TYW1B: variants seen among roughly 807,000 people sequenced by gnomAD.
TYW1B encodes the protein tRNA-yW synthesizing protein 1 homolog B, also known as S-adenosyl-L-methionine-dependent tRNA 4-demethylwyosine synthase TYW1B.
In TYW1B, 73 loss-of-function variants were observed where a neutral mutation model predicts 86.9. The ratio of observed to expected loss-of-function variants is 0.84; its 90% CI spans 0.70 to 1.02. The LOEUF (loss-of-function observed/expected upper bound fraction) is 1.02. Ranked by LOEUF, TYW1B falls within the 50% of genes least tolerant of loss-of-function variation. The pLI, the probability that TYW1B is intolerant of heterozygous loss-of-function variation, is 0.00. For synonymous variants in TYW1B, 248 were observed against 292.8 expected, an observed-to-expected ratio of 0.85 and a Z score of 1.56; for missense variants, 637 against 827.4, an observed-to-expected ratio of 0.77 and a Z score of 2.82.
chr7:72,755,747 A>G (rs1787575887), intron 7 of TYW1B, among the ~76,000 whole-genome samples: 1 of 152,206 alleles, frequency 6.6e-6, no homozygotes, highest in African/African-American at 2.4e-5. Context: ...AAAAACAGGA[A>G]GAAGAGTTTC....
At chr7:72,615,745 C>T (rs1554436782) in intron 13 of TYW1B, among the ~76,000 whole-genome samples, 1 of 151,936 alleles carries the variant, frequency 6.6e-6, no homozygotes, top group East Asian at 1.9e-4. Context: ...TACAAAATAG[C>T]ATTTTTGAAA....
intron 2 of TYW1B, among the ~76,000 whole-genome samples, chr7:72,818,648 G>A (rs1291075953): frequency 1.2e-4 from 18 of 150,164 alleles, no homozygotes; most frequent in African/African-American, 3.7e-4. Context: ...AAAAAAAGAC[G>A]TTTAATTGGC....
Position 72,828,076 on chromosome 7 carries a change from C to A in TYW1B, c.-1G>T. On this transcript the variant is annotated 5_prime_UTR_variant, in exon 1 of 14. Coordinates refer to ENST00000620995, the MANE Select transcript of TYW1B (RefSeq NM_001145440.3). ...TTGCCCGCCGAGTGCCCTTACCCAT[C>A]CTCCTCAGAGCCGACAGGAGACTAG... The A allele has an allele frequency of 6.2e-7, 1 of 1,614,000 alleles. No individual in the cohort carries two copies. Among genetic ancestry groups the A allele is most frequent in the Non-Finnish European group, 8.5e-7 (1 of 1,179,946 alleles).
intron 10 of TYW1B, among the ~76,000 whole-genome samples, chr7:72,695,275 A>G (rs1814288908): frequency 6.6e-6 from 1 of 152,090 alleles, no homozygotes; most frequent in East Asian, 1.9e-4. Flanking sequence ...AAACAATCCC[A>G]AAAGCTCAGG....
At chr7:72,599,083 CAAGA>C (rs1290016772) in intron 13 of TYW1B, among the ~76,000 whole-genome samples, 1 of 152,072 alleles carries the variant, frequency 6.6e-6, no homozygotes, top group African/African-American at 2.4e-5. Context: ...AAAGATACTA[CAAGA>C]AAGGAAAACC....
In TYW1B at chr7:72,725,232, T is replaced by C. The variant is rs1241256346; in HGVS notation, c.1192+3590A>G. Among the ~76,000 whole-genome samples, 14 of 152,194 alleles carry C rather than the reference T, an allele frequency of 9.2e-5. 1 individual carries two copies. The Middle Eastern group carries it at 0.01, about 111-fold the overall frequency. On this transcript the variant is annotated intron_variant, in intron 9 of 13. Coordinates refer to ENST00000620995, the MANE Select transcript of TYW1B (RefSeq NM_001145440.3). ...TGCAAAAACGCTCCTGTCAGAAAAA[T>C]TACTATCCAAACTCAGATCGTCATT... is the stretch of plus-strand genomic sequence containing the variant.
intron 4 of TYW1B, 94 bp from the exon 5 acceptor site, chr7:72,807,450 CT>C: frequency 6.7e-7 from 1 of 1,491,506 alleles, no homozygotes; most frequent in Non-Finnish European, 9.0e-7. Flanking sequence ...TCTGGGGCCC[CT>C]GGTCATGGGC....
At chr7:72,633,572 G>GACT (rs1426234056) in intron 11 of TYW1B, among the ~76,000 whole-genome samples, 1 of 152,166 alleles carries the variant, frequency 6.6e-6, no homozygotes, top group Non-Finnish European at 1.5e-5. Context: ...TCCTCCCAGT[G>GACT]AATATCCACT....
At chr7:72,802,289 T>C in intron 6 of TYW1B, 111 bp downstream of exon 6, 1 of 1,510,202 alleles carries the variant, frequency 6.6e-7, no homozygotes, top group South Asian at 1.4e-5. Flanking sequence ...AGACAGAAGC[T>C]AGAGAAATGA....
chr7:72,619,254 T>C (rs1812155961), intron 12 of TYW1B, among the ~76,000 whole-genome samples: 1 of 152,152 alleles, frequency 6.6e-6, no homozygotes, highest in Admixed American at 6.6e-5. Flanking sequence ...CTATGTCAAT[T>C]AGTATTGGCT....
At chr7:72,708,790 C>G (rs1814673621) in intron 10 of TYW1B, among the ~76,000 whole-genome samples, 1 of 152,098 alleles carries the variant, frequency 6.6e-6, no homozygotes, top group Non-Finnish European at 1.5e-5. Flanking sequence ...TTCGGAGAGG[C>G]CTCAAGTCCT....
chr7:72,671,180 A>G (rs1171105628), intron 11 of TYW1B, among the ~76,000 whole-genome samples: 13 of 152,150 alleles, frequency 8.5e-5, no homozygotes, highest in Non-Finnish European at 5.9e-5. Context: ...AAAATAGAAA[A>G]TACTAGCTTT....
rs116774871 is a variant in TYW1B, at chr7:72,700,399, T to C, written c.1371-5577A>G. Among the ~76,000 whole-genome samples the C allele has an allele frequency of 8.8e-3, 1,339 of 151,992 alleles. 17 individuals are homozygous for C. Among genetic ancestry groups the C allele is most frequent in the African/African-American group, 0.028 (1,173 of 41,474 alleles). On this transcript the variant is annotated intron_variant, in intron 10 of 13. Coordinates refer to ENST00000620995, the MANE Select transcript of TYW1B (RefSeq NM_001145440.3). The stretch of plus-strand genomic sequence containing the variant: ...CCACATTGGCCAGGCTGTTCTTGAA[T>C]TGACTGCAGGTGATCCACCTGCCTC...
chr7:72,758,454 T>TTTTTTCTCTTAGAAAAAAA (rs1446915404), intron 7 of TYW1B, among the ~76,000 whole-genome samples: 3 of 151,658 alleles, frequency 2.0e-5, no homozygotes, highest in Non-Finnish European at 4.4e-5. Context: ...GAAAAAACAT[T>TTTTTTCTCTTAGAAAAAAA]TTTTTCTCTT....
chr7:72,806,361 G>A (rs1317525579), intron 5 of TYW1B, among the ~76,000 whole-genome samples: 7 of 150,798 alleles, frequency 4.6e-5, no homozygotes, highest in Non-Finnish European at 8.9e-5. Flanking sequence ...TCAGCCTCCC[G>A]AGTAGCTGGG....
intron 11 of TYW1B, among the ~76,000 whole-genome samples, chr7:72,681,838 G>C (rs1813882259): frequency 6.6e-6 from 1 of 151,778 alleles, no homozygotes; most frequent in Non-Finnish European, 1.5e-5. Context: ...ACCCACCTCA[G>C]TCTCCCAAAG....
rs781809147 is a variant in TYW1B at position 72,802,511 on chromosome 7, G to A, written c.735C>T (p.Pro245=). ...ACTCTTCTTCACTGGAGCTCTCGAA[G>A]GGTTCTTCCTCCTGGAAGAGAAATG... The part of the protein sequence containing the change: ...LHHRDTKEEE[P]FESSSEEEFG... Residue 245 remains proline (P), a synonymous_variant, in exon 6 of 14, where the codon CCC becomes CCT. Transcript: ENST00000620995. 3.8e-5 allele frequency: 61 copies of A among 1,613,692 alleles called. 1 individual carries two copies. Among genetic ancestry groups the A allele is most frequent in the Admixed American group, 6.7e-5 (4 of 59,958 alleles).
intron 11 of TYW1B, among the ~76,000 whole-genome samples, chr7:72,652,255 G>C (rs1554442914): frequency 7.9e-5 from 12 of 151,646 alleles, no homozygotes. Flanking sequence ...GCAGGCGCCT[G>C]AAGTCCCAGC....
chr7:72,600,537 A>G (rs1242529886), intron 13 of TYW1B, among the ~76,000 whole-genome samples: 2 of 152,216 alleles, frequency 1.3e-5, no homozygotes, highest in Non-Finnish European at 2.9e-5. Flanking sequence ...TGCTCTGAGA[A>G]GGGCATAATT....
Sources: allele counts gnomAD v4.1 joint callset (sites outside exome capture counted in the v4.1 genomes callset), GRCh38; gene constraint gnomAD v4.1.1; transcripts MANE v1.5; gene names NCBI Gene and HGNC (gene_info 2026-07-23, HGNC 2026-07-21).